Variants in MBOAT2 observed in about 807,000 individuals in gnomAD.
The protein encoded by MBOAT2 is membrane-bound glycerophospholipid O-acyltransferase 2.
In MBOAT2, 28 loss-of-function variants were observed where a neutral mutation model predicts 63.4. That is an observed-to-expected ratio of 0.44 (90% CI 0.33 to 0.61). The LOEUF (loss-of-function observed/expected upper bound fraction) is 0.61. Ranked by LOEUF, MBOAT2 falls within the 20% of genes least tolerant of loss-of-function variation. MBOAT2 has a pLI of 0.03. For synonymous variants in MBOAT2, 211 were observed against 215.6 expected, an observed-to-expected ratio of 0.98 and a Z score of 0.19; for missense variants, 470 against 605.8, an observed-to-expected ratio of 0.78 and a Z score of 2.35.
At chr2:8,873,481 T>C (rs1481496039) in intron 7 of MBOAT2, among the ~76,000 whole-genome samples, 181 bp from the exon 8 acceptor site, 1 of 152,178 alleles carries the variant, frequency 6.6e-6, no homozygotes, top group Non-Finnish European at 1.5e-5. Flanking sequence ...GGTATGAACT[T>C]TTCCAACTGT....
chr2:8,965,664 A>G (rs1327871242), intron 1 of MBOAT2, among the ~76,000 whole-genome samples: 2 of 152,180 alleles, frequency 1.3e-5, no homozygotes, highest in Non-Finnish European at 2.9e-5. Flanking sequence ...CCCTCTTACT[A>G]GAACACGAGA....
chr2:8,954,687 A>G lies in MBOAT2; in HGVS notation c.221+3810T>C, dbSNP rs575308628. On this transcript the variant is annotated intron_variant, in intron 2 of 12. Coordinates refer to ENST00000305997, the MANE Select transcript of MBOAT2 (RefSeq NM_138799.4). ...TGAACCACAGTCTATGTCCAGGAAG[A>G]CTGGGGTGGCTCAGGCTGCTGAACC... Among the ~76,000 whole-genome samples the G allele has an allele frequency of 1.8e-4, 27 of 152,258 alleles. No individual in the cohort carries two copies. The South Asian group carries it at 5.6e-3, about 32-fold the overall frequency.
intron 8 of MBOAT2, among the ~76,000 whole-genome samples, chr2:8,871,287 G>A (rs979192810): frequency 2.6e-5 from 4 of 152,036 alleles, no homozygotes; most frequent in Non-Finnish European, 5.9e-5. Context: ...TATGAGCCAC[G>A]TGCCCGGCCT....
Position 8,862,400 on chromosome 2 carries a change from C to G in MBOAT2, c.1185+190G>C. On this transcript the variant is annotated intron_variant, in intron 11 of 12. Coordinates refer to ENST00000305997, the MANE Select transcript of MBOAT2 (RefSeq NM_138799.4). The surrounding 1 kb of genome is among the most constrained non-coding windows in gnomAD (Gnocchi z 4.3). ...GAAACGTGTTTTCTCCTCACAGGAA[C>G]TGGGCATGGAGCCTAGCCCGTGGTG... is the stretch of plus-strand genomic sequence containing the variant. 1.5e-6 allele frequency: 2 copies of G among 1,378,188 alleles called. No individual in the cohort carries two copies. The highest frequency in any genetic ancestry group is 1.4e-5 in the African/African-American group (1 of 69,480). 85.4% of individuals were successfully genotyped at this position (1,378,188 alleles called of 1,614,324 possible). A position where few individuals can be genotyped will look rare whatever the true frequency, so the allele number is the denominator to read the frequency against.
chr2:8,932,208 T>C (rs1441725368), intron 3 of MBOAT2, among the ~76,000 whole-genome samples: 1 of 152,170 alleles, frequency 6.6e-6, no homozygotes, highest in African/African-American at 2.4e-5. Context: ...TTTTAGTCAG[T>C]TGATATTAAA....
intron 1 of MBOAT2, among the ~76,000 whole-genome samples, chr2:8,999,457 C>T (rs1387810380): frequency 6.6e-6 from 1 of 152,128 alleles, no homozygotes. Flanking sequence ...TAATAGCGTA[C>T]AGGATATGTT....
chr2:8,974,533 C>A, intron 1 of MBOAT2: 1 of 418,572 alleles, frequency 2.4e-6, no homozygotes. Context: ...AGAAAGCATG[C>A]TATCTCTGTA....
chr2:8,987,805 T>C (rs1372251918), intron 1 of MBOAT2, among the ~76,000 whole-genome samples: 1 of 152,186 alleles, frequency 6.6e-6, no homozygotes, highest in African/African-American at 2.4e-5. Flanking sequence ...CCAATTTTGT[T>C]TGAACATACA....
intron 4 of MBOAT2, among the ~76,000 whole-genome samples, chr2:8,894,856 A>C (rs1469413876): frequency 1.3e-5 from 2 of 150,020 alleles, no homozygotes; most frequent in Non-Finnish European, 3.0e-5. Flanking sequence ...TACAGCTCTT[A>C]AAGGCGGCAC....
intron 3 of MBOAT2, among the ~76,000 whole-genome samples, chr2:8,913,754 G>T (rs1011482642): frequency 2.0e-5 from 3 of 152,176 alleles, no homozygotes; most frequent in Non-Finnish European, 2.9e-5. Context: ...ACTATGGAAA[G>T]CAGTGTGGAG....
intron 3 of MBOAT2, among the ~76,000 whole-genome samples, chr2:8,933,542 A>G (rs1667464490): frequency 6.6e-6 from 1 of 152,108 alleles, no homozygotes; most frequent in South Asian, 2.1e-4. Flanking sequence ...GGGTTTCACT[A>G]TGTTGCACAG....
At chr2:8,993,577 C>A (rs192043669) in intron 1 of MBOAT2, among the ~76,000 whole-genome samples, 2 of 152,290 alleles carry the variant, frequency 1.3e-5, no homozygotes, top group Admixed American at 1.3e-4. Context: ...GAAAAGTGCA[C>A]AGTTCCCAGG....
intron 3 of MBOAT2, among the ~76,000 whole-genome samples, chr2:8,918,467 CAG>C (rs1347898203): frequency 6.6e-6 from 1 of 152,164 alleles, no homozygotes; most frequent in African/African-American, 2.4e-5. Flanking sequence ...AAATGTAACA[CAG>C]AGACACTAAG....
chr2:8,881,611 G>A (rs924466878), intron 6 of MBOAT2, among the ~76,000 whole-genome samples: 2 of 152,092 alleles, frequency 1.3e-5, no homozygotes, highest in African/African-American at 4.8e-5. Context: ...AATAGCTACT[G>A]GGATGGCACA....
chr2:8,929,602 G>A (rs1280212215), intron 3 of MBOAT2, among the ~76,000 whole-genome samples: 5 of 152,196 alleles, frequency 3.3e-5, no homozygotes, highest in East Asian at 1.9e-4. Context: ...ATCTGCCTGC[G>A]CTGGCCTCTC....
intron 2 of MBOAT2, among the ~76,000 whole-genome samples, chr2:8,949,941 C>A (rs1668707368): frequency 6.6e-6 from 1 of 152,192 alleles, no homozygotes; most frequent in Non-Finnish European, 1.5e-5. Context: ...ATTGACTCTT[C>A]CAATCCATAA....
rs773076053 is a variant in MBOAT2, at chr2:8,938,982, G to C, written c.299+4205C>G. 3.3e-5 allele frequency among the ~76,000 whole-genome samples: 5 copies of C among 152,272 alleles called. No homozygotes were observed. In the Middle Eastern group the frequency reaches 0.01, roughly 311 times the overall value. Reference sequence around the variant, plus strand: ...AAACTCTCTCCCACCAGAGCTCTTAGCACACAATATTAAAATGTGTTCACA... The same window carrying C: ...AAACTCTCTCCCACCAGAGCTCTTACCACACAATATTAAAATGTGTTCACA... On this transcript the variant is annotated intron_variant, in intron 3 of 12. Coordinates refer to ENST00000305997, the MANE Select transcript of MBOAT2 (RefSeq NM_138799.4).
At chr2:8,935,267 C>T (rs562684373) in intron 3 of MBOAT2, among the ~76,000 whole-genome samples, 1 of 152,286 alleles carries the variant, frequency 6.6e-6, no homozygotes, top group East Asian at 1.9e-4. Flanking sequence ...ATCTCTTACA[C>T]CAGGAACCAA....
At chr2:8,894,737 C>T (rs548056656) in intron 4 of MBOAT2, among the ~76,000 whole-genome samples, 6 of 152,302 alleles carry the variant, frequency 3.9e-5, no homozygotes, top group Admixed American at 6.5e-5. Flanking sequence ...ATGGTGTGTC[C>T]GGAGTTTGTT....
Sources: gnomAD v4.1 joint callset for allele counts (sites outside exome capture counted in the v4.1 genomes callset) on GRCh38, gnomAD v4.1.1 for gene constraint, Gnocchi (gnomAD v3.1) non-coding constraint, MANE v1.5 for transcripts, NCBI Gene and HGNC (gene_info 2026-07-23, HGNC 2026-07-21) for gene names.